The following PCDHA1 variants were observed in gnomAD, a reference collection of about 807,000 sequenced individuals.
PCDHA1 encodes protocadherin alpha 1, also known as protocadherin alpha-1.
A neutral mutation model predicts 61.3 loss-of-function variants in PCDHA1; 42 were observed. That is an observed-to-expected ratio of 0.69 (90% confidence interval 0.54 to 0.89). The LOEUF (loss-of-function observed/expected upper bound fraction) is 0.89. Ranked by LOEUF, PCDHA1 falls within the 40% of genes least tolerant of loss-of-function variation. The probability of loss-of-function intolerance (pLI) is 0.00; values close to 1 mark genes in which losing one functional copy is unlikely to be tolerated. For synonymous variants in PCDHA1, 610 were observed against 553.8 expected (o/e 1.10, Z -1.43); for missense variants, 1,256 against 1,235.3 (o/e 1.02, Z -0.25).
intron 1 of PCDHA1, chr5:140,847,464 C>A (rs2150400845): frequency 6.7e-6 from 1 of 149,754 alleles, no homozygotes; most frequent in Non-Finnish European, 1.5e-5. Context: ...AATTAATCGA[C>A]TTGGACGTTG....
chr5:140,841,338 G>A (rs2150313822), intron 1 of PCDHA1: 3 of 1,611,372 alleles, frequency 1.9e-6, no homozygotes, highest in South Asian at 2.2e-5. Flanking sequence ...TATCACTGGC[G>A]AGGAGAGCTG....
At chr5:140,849,513 G>A (rs2150439555) in intron 1 of PCDHA1, 1 of 1,597,076 alleles carries the variant, frequency 6.3e-7, no homozygotes, top group Non-Finnish European at 8.6e-7. Context: ...TCTTGTGGAA[G>A]TTGTGGATGT....
At chr5:141,005,985 T>C (rs2098249971) in intron 3 of PCDHA1, among the ~76,000 whole-genome samples, 1 of 151,848 alleles carries the variant, frequency 6.6e-6, no homozygotes, top group Non-Finnish European at 1.5e-5. Context: ...AAAGAGTGTT[T>C]GAGGATCTGA....
At position 140,943,090 on chromosome 5, in the gene PCDHA1, C is replaced by A. The variant is rs554425182; in HGVS notation, c.2395-35859C>A. On this transcript the variant is annotated intron_variant, in intron 1 of 3. Coordinates refer to ENST00000504120, the MANE Select transcript of PCDHA1 (RefSeq NM_018900.4). The stretch of plus-strand genomic sequence containing the variant: ...TGACCAACATGGTGAAATCCTGCCT[C>A]TACTAAAAAATACAAAAATTAGCCA... Among the ~76,000 whole-genome samples the A allele has an allele frequency of 1.8e-4, 27 of 151,656 alleles. No homozygotes were observed. The South Asian group carries it at 2.5e-3, about 14-fold the overall frequency.
At chr5:140,992,430 C>T (rs1356224402) in intron 3 of PCDHA1, among the ~76,000 whole-genome samples, 1 of 152,042 alleles carries the variant, frequency 6.6e-6, no homozygotes, top group Non-Finnish European at 1.5e-5. Flanking sequence ...GAATATTGTT[C>T]CAAGAGTTGG....
Position 140,808,724 on chromosome 5 carries a change from G to A in PCDHA1, c.2394+20040G>A, listed in dbSNP as rs114390057. ...GTCGAGCTACGTTTCGGTGCATGCG[G>A]AGAGCGGCAAGGTGTACGCGCTGCA... On this transcript the variant is annotated intron_variant, in intron 1 of 3. Coordinates refer to ENST00000504120, the MANE Select transcript of PCDHA1 (RefSeq NM_018900.4). The A allele has an allele frequency of 2.3e-4, 363 of 1,612,218 alleles. 1 individual carries two copies. The African/African-American group carries it at 3.9e-3, about 17-fold the overall frequency.
chr5:140,799,584 AT>A (rs1283921380), intron 1 of PCDHA1, among the ~76,000 whole-genome samples: 1 of 152,064 alleles, frequency 6.6e-6, no homozygotes, highest in African/African-American at 2.4e-5. Context: ...ATATTAACAA[AT>A]ATCATTAACT....
At chr5:140,966,489 C>T in intron 1 of PCDHA1, 1 of 440,146 alleles carries the variant, frequency 2.3e-6, no homozygotes, top group Non-Finnish European at 3.9e-6. Flanking sequence ...TTCCCTCCCC[C>T]TGGAGCTGTA....
Position 140,994,911 on chromosome 5 carries a change from A to G in PCDHA1, c.2542+12348A>G, listed in dbSNP as rs527704488. Among the ~76,000 whole-genome samples, 14 of 152,340 alleles carry G rather than the reference A, an allele frequency of 9.2e-5. No homozygotes were observed. The East Asian group carries it at 1.7e-3, about 19-fold the overall frequency. On this transcript the variant is annotated intron_variant, in intron 3 of 3. Transcript: ENST00000504120. ...AAATGAGATCAGAAATGTAGACTGGAATCAGATTTTGTAGGACCTTAAACA... is the reference window on the plus strand; with the variant it reads ...AAATGAGATCAGAAATGTAGACTGGGATCAGATTTTGTAGGACCTTAAACA...
At chr5:140,876,754 C>A in intron 1 of PCDHA1, 1 of 1,614,212 alleles carries the variant, frequency 6.2e-7, no homozygotes, top group Non-Finnish European at 8.5e-7. Context: ...GGTGACTGCG[C>A]GGGATGGGGG....
chr5:140,786,411 C>G lies in PCDHA1; in HGVS notation c.121C>G (p.His41Asp). Residue 41 changes from histidine (H) to aspartate (D), a missense_variant, in exon 1 of 4, where the codon CAC (histidine) becomes GAC (aspartate). Coordinates refer to ENST00000504120, the MANE Select transcript of PCDHA1 (RefSeq NM_018900.4). ...CTACTCGATCCCGGAGGAAGCCAAA[C>G]ACGGCACCTTCGTTGGCCGCGTTGC... ...LHYSIPEEAKHGTFVGRVAQD... is the reference protein window; with the variant it reads ...LHYSIPEEAKDGTFVGRVAQD... 2 of 1,613,526 alleles carry G rather than the reference C, an allele frequency of 1.2e-6. No individual in the cohort carries two copies. The highest frequency in any genetic ancestry group is 1.7e-6 in the Non-Finnish European group (2 of 1,180,044).
intron 1 of PCDHA1, chr5:140,822,761 T>C: frequency 6.2e-7 from 1 of 1,613,988 alleles, no homozygotes; most frequent in Non-Finnish European, 8.5e-7. Flanking sequence ...ACATTCCCAT[T>C]ATCAGGACAC....
chr5:140,870,413 C>T (rs200037363), intron 1 of PCDHA1: 2 of 1,614,242 alleles, frequency 1.2e-6, no homozygotes, highest in South Asian at 2.2e-5. Flanking sequence ...CTGTGGGCCA[C>T]GGCCAGGGTA....
intron 1 of PCDHA1, chr5:140,795,808 G>A (rs782626454): frequency 6.2e-7 from 1 of 1,613,038 alleles, no homozygotes; most frequent in Non-Finnish European, 8.5e-7. Context: ...GTATTCACTC[G>A]GTAGTGATGT....
At chr5:140,879,396 T>C (rs2057974571) in intron 1 of PCDHA1, among the ~76,000 whole-genome samples, 1 of 152,174 alleles carries the variant, frequency 6.6e-6, no homozygotes, top group Non-Finnish European at 1.5e-5. Context: ...AAACAGTTTG[T>C]GTGTATTTGA....
chr5:140,966,488 C>G (rs1161799910), intron 1 of PCDHA1: 7 of 440,132 alleles, frequency 1.6e-5, no homozygotes, highest in East Asian at 1.1e-4. Context: ...TTTCCCTCCC[C>G]CTGGAGCTGT....
Position 140,852,527 on chromosome 5 carries a change from C to T in PCDHA1, c.2394+63843C>T, listed in dbSNP as rs184052538. The T allele has an allele frequency of 1.0e-4, 41 of 393,270 alleles. 2 individuals are homozygous for T. Among genetic ancestry groups the T allele is most frequent in the African/African-American group, 6.6e-4 (30 of 45,558 alleles). 24.4% of individuals were successfully genotyped at this position (393,270 alleles called of 1,614,324 possible). A position where few individuals can be genotyped will look rare whatever the true frequency, so the allele number is the denominator to read the frequency against. On this transcript the variant is annotated intron_variant, in intron 1 of 3. Transcript: ENST00000504120. ...TCCTGACCTTGTGATGCTCCCACCT[C>T]GGCCTCCCAAAGTGCTGGGATTAAA...
At position 140,985,761 on chromosome 5, in the gene PCDHA1, A is replaced by C. The variant is rs1239020885; in HGVS notation, c.2542+3198A>C. On this transcript the variant is annotated intron_variant, in intron 3 of 3. Transcript: ENST00000504120. ...TTCCTTTTTTTTTTTTTTTTTTTTGAGACAGTCTCGCTCTGTCGCCCAGGC... is the reference window on the plus strand; with the variant it reads ...TTCCTTTTTTTTTTTTTTTTTTTTGCGACAGTCTCGCTCTGTCGCCCAGGC... 7.9e-5 allele frequency among the ~76,000 whole-genome samples: 5 copies of C among 63,266 alleles called. No individual in the cohort carries two copies. In the East Asian group the frequency reaches 3.3e-3, roughly 41 times the overall value. 41.5% of individuals were successfully genotyped at this position (63,266 alleles called of 152,430 possible). A position where few individuals can be genotyped will look rare whatever the true frequency, so the allele number is the denominator to read the frequency against.
rs551711072 is a variant in PCDHA1 at position 140,796,468 on chromosome 5, C to T, written c.2394+7784C>T. 1.6e-5 allele frequency: 25 copies of T among 1,612,160 alleles called. No homozygotes were observed. In the African/African-American group the frequency reaches 3.1e-4, roughly 20 times the overall value. ...GCTGGTGGAGCGGCGGGTGGGCGAG[C>T]GCGCGTTGTCGAGCTACGTTTCGGT... On this transcript the variant is annotated intron_variant, in intron 1 of 3. Coordinates refer to ENST00000504120, the MANE Select transcript of PCDHA1 (RefSeq NM_018900.4).
Sources: allele counts gnomAD v4.1 joint callset (sites outside exome capture counted in the v4.1 genomes callset), GRCh38; gene constraint gnomAD v4.1.1; transcripts MANE v1.5; gene names NCBI Gene and HGNC (gene_info 2026-07-23, HGNC 2026-07-21).